PHF20: variants seen among roughly 807,000 people sequenced by gnomAD.
The protein encoded by PHF20 is PHD finger protein 20.
A neutral mutation model predicts 113.5 loss-of-function variants in PHF20; 23 were observed. That is an observed-to-expected ratio of 0.20 (90% CI 0.15 to 0.29). PHF20 has a LOEUF of 0.29. PHF20 is among the 10% of genes least tolerant of loss of function. The pLI is 1.00. For synonymous variants in PHF20, 434 were observed against 457.3 expected (o/e 0.95, Z 0.65); for missense variants, 943 against 1,219.6 (o/e 0.77, Z 3.38).
rs368965735 is a variant in PHF20, at chr20:35,812,791, A to G, written c.83+11186A>G. Among the ~76,000 whole-genome samples the G allele has an allele frequency of 7.2e-5, 11 of 152,096 alleles. No homozygotes were observed. In the East Asian group the frequency reaches 1.7e-3, roughly 24 times the overall value. On this transcript the variant is annotated intron_variant, in intron 2 of 17. Coordinates refer to ENST00000374012, the MANE Select transcript of PHF20 (RefSeq NM_016436.5). ...TGCAAGTAGTAGATAATCTGTGGGG[A>G]TACTCTGGTACGTGTCAATATCCTA...
chr20:35,855,765 C>T (rs1458219670), intron 4 of PHF20, among the ~76,000 whole-genome samples: 1 of 152,072 alleles, frequency 6.6e-6, no homozygotes, highest in East Asian at 1.9e-4. Context: ...CCTCCACTTC[C>T]TGGGTTCAGG....
At chr20:35,821,423 G>A (rs554389669) in intron 2 of PHF20, among the ~76,000 whole-genome samples, 5 of 135,066 alleles carry the variant, frequency 3.7e-5, no homozygotes, top group East Asian at 2.3e-4. Context: ...CAACAAGAGC[G>A]AAACTCTGTC....
At chr20:35,933,194 TGCA>T (rs1365450339) in intron 15 of PHF20, among the ~76,000 whole-genome samples, 1 of 151,660 alleles carries the variant, frequency 6.6e-6, no homozygotes, top group Non-Finnish European at 1.5e-5. Flanking sequence ...CATCAAGCAC[TGCA>T]GCCTCAAGCT....
rs552479807 is a variant in PHF20 at position 35,821,655 on chromosome 20, T to C, written c.83+20050T>C. 5.3e-5 allele frequency among the ~76,000 whole-genome samples: 8 copies of C among 152,058 alleles called. No homozygotes were observed. The South Asian group carries it at 1.7e-3, about 31-fold the overall frequency. On this transcript the variant is annotated intron_variant, in intron 2 of 17. Coordinates refer to ENST00000374012, the MANE Select transcript of PHF20 (RefSeq NM_016436.5). ...TCCCAGGTGACAGAGCCAGACCCTG[T>C]CTCAAAAAAATAAAGTTGCTGTGGT...
intron 1 of PHF20, among the ~76,000 whole-genome samples, chr20:35,781,552 T>C (rs1477530306): frequency 3.3e-5 from 5 of 152,232 alleles, no homozygotes; most frequent in Non-Finnish European, 7.3e-5. Flanking sequence ...ACACATAATA[T>C]AAAATTTGCC....
chr20:35,823,864 T>A (rs566009411), intron 2 of PHF20, among the ~76,000 whole-genome samples: 1 of 152,326 alleles, frequency 6.6e-6, no homozygotes, highest in African/African-American at 2.4e-5. Flanking sequence ...AAACTTAGCG[T>A]AATGCATTTG....
intron 2 of PHF20, among the ~76,000 whole-genome samples, chr20:35,819,254 C>T (rs186410771): frequency 1.5e-3 from 232 of 152,122 alleles, no homozygotes; most frequent in Non-Finnish European, 2.8e-3. Context: ...TTGCTTCCTG[C>T]GTTTTATAGA....
chr20:35,772,197 C>T (rs1398522320), intron 1 of PHF20, 118 bp downstream of exon 1: 4 of 151,178 alleles, frequency 2.6e-5, no homozygotes, highest in African/African-American at 9.7e-5. Flanking sequence ...GGTCCCCTGC[C>T]CGGCCCCGCT....
Position 35,938,927 on chromosome 20 carries a change from C to T in PHF20, c.2531C>T (p.Pro844Leu). 1 of 1,614,186 alleles carries T rather than the reference C, an allele frequency of 6.2e-7. No homozygotes were observed. Among genetic ancestry groups the T allele is most frequent in the Non-Finnish European group, 8.5e-7 (1 of 1,180,028 alleles). ...YITSEHCYQK[P>L]RAYYPAVEQK... ...ACCAGTGAGCATTGCTACCAGAAGC[C>T]CCGCGCCTATTACCCTGCCGTGGAG... The change falls in exon 16 of 18, where the codon CCC (proline) becomes CTC (leucine). Residue 844 changes from proline to leucine, a missense_variant. Coordinates refer to ENST00000374012, the MANE Select transcript of PHF20 (RefSeq NM_016436.5).
intron 13 of PHF20, among the ~76,000 whole-genome samples, chr20:35,921,453 C>T (rs930437264): frequency 6.6e-6 from 1 of 151,706 alleles, no homozygotes; most frequent in Admixed American, 6.6e-5. Context: ...GAGGCAGAGG[C>T]GGGAGGATTG....
chr20:35,780,551 C>CT (rs71184082), intron 1 of PHF20, among the ~76,000 whole-genome samples: 8 of 115,502 alleles, frequency 6.9e-5, no homozygotes, highest in South Asian at 5.6e-4. Context: ...TTTTTCTTTT[C>CT]TTTTTTTTTT....
chr20:35,880,426 C>A (rs1160908217), intron 9 of PHF20, among the ~76,000 whole-genome samples: 1 of 152,084 alleles, frequency 6.6e-6, no homozygotes, highest in African/African-American at 2.4e-5. Context: ...TACTGAGAAA[C>A]TGAAAAATGC....
At chr20:35,849,599 C>A in intron 4 of PHF20, 1 of 442,438 alleles carries the variant, frequency 2.3e-6, no homozygotes, top group Non-Finnish European at 4.7e-6. Flanking sequence ...TCAGTTTGTG[C>A]TTCATCACGA....
chr20:35,929,972 A>G, intron 14 of PHF20, among the ~76,000 whole-genome samples: 1 of 152,372 alleles, frequency 6.6e-6, no homozygotes, highest in African/African-American at 2.4e-5. Flanking sequence ...CAAGGTTTTT[A>G]TAGATATTGA....
At chr20:35,848,858 TAA>T (rs11472341) in intron 4 of PHF20, among the ~76,000 whole-genome samples, 35 of 133,334 alleles carry the variant, frequency 2.6e-4, no homozygotes, top group Non-Finnish European at 2.7e-4. Flanking sequence ...CTCTGTCTCT[TAA>T]AAAAAAAAAA....
At chr20:35,920,092 T>C (rs1258059179) in intron 13 of PHF20, among the ~76,000 whole-genome samples, 1 of 152,252 alleles carries the variant, frequency 6.6e-6, no homozygotes. Flanking sequence ...TGAGGTATAC[T>C]AAGACCATGA....
intron 1 of PHF20, among the ~76,000 whole-genome samples, chr20:35,799,827 C>T (rs545602687): frequency 6.6e-6 from 1 of 152,170 alleles, no homozygotes; most frequent in Non-Finnish European, 1.5e-5. Flanking sequence ...GCCGCCGCGC[C>T]CCACTAATTT....
chr20:35,839,768 C>A (rs926790504), intron 2 of PHF20, among the ~76,000 whole-genome samples: 2 of 152,176 alleles, frequency 1.3e-5, no homozygotes, highest in Non-Finnish European at 2.9e-5. Flanking sequence ...TTATGGAAAA[C>A]ATACCCTTCC....
intron 9 of PHF20, among the ~76,000 whole-genome samples, chr20:35,885,631 A>G (rs2147024257): frequency 6.6e-6 from 1 of 152,008 alleles, no homozygotes; most frequent in Admixed American, 6.6e-5. Context: ...CACTTTCCAC[A>G]GAAATACCAC....
Sources: allele counts gnomAD v4.1 joint callset (sites outside exome capture counted in the v4.1 genomes callset), GRCh38; gene constraint gnomAD v4.1.1; transcripts MANE v1.5; gene names NCBI Gene and HGNC (gene_info 2026-07-23, HGNC 2026-07-21).